TBCE: variants seen among roughly 807,000 people sequenced by gnomAD.
TBCE encodes the protein tubulin-specific chaperone E.
In TBCE, 53 loss-of-function variants were observed where a neutral mutation model predicts 77.0. The ratio of observed to expected loss-of-function variants is 0.69; its 90% CI spans 0.55 to 0.87. TBCE has a LOEUF of 0.87. TBCE is among the 40% of genes least tolerant of loss of function. The probability of loss-of-function intolerance (pLI) is 0.00; values close to 1 mark genes in which losing one functional copy is unlikely to be tolerated. For missense variants in TBCE, 624 were observed against 622.4 expected, an observed-to-expected ratio of 1.00 and a Z score of -0.03; for synonymous variants, 235 against 241.3, an observed-to-expected ratio of 0.97 and a Z score of 0.24.
rs367901723 is a variant in TBCE at position 235,419,428 on chromosome 1, A to G, written c.372-45A>G. On this transcript the variant is annotated intron_variant, in intron 4 of 16. Transcript: ENST00000642610. ...TTAATTTTTTAAAGGGCCAGTGGAT[A>G]GCATACGTGCTTATGTATCCATGTG... 1.2e-5 allele frequency: 19 copies of G among 1,613,992 alleles called. No homozygotes were observed. In the African/African-American group the frequency reaches 2.4e-4, roughly 20 times the overall value.
At chr1:235,401,421 C>T (rs1470181934) in intron 2 of TBCE, 82 bp from the exon 3 acceptor site, 1 of 1,206,800 alleles carries the variant, frequency 8.3e-7, no homozygotes, top group East Asian at 2.4e-5. Flanking sequence ...GTTTCCGCTG[C>T]AAATTGGTAT....
At chr1:235,442,791 G>C in intron 14 of TBCE, 61 bp from the exon 15 acceptor site, 9 of 1,525,318 alleles carry the variant, frequency 5.9e-6, no homozygotes, top group Non-Finnish European at 8.1e-6. Flanking sequence ...GATGTGTGTG[G>C]ATAATTTAAA....
intron 3 of TBCE, among the ~76,000 whole-genome samples, chr1:235,412,548 G>A (rs909435628): frequency 6.6e-6 from 1 of 150,830 alleles, no homozygotes; most frequent in African/African-American, 2.4e-5. Context: ...CTGACTTTAG[G>A]TGATCTGCCC....
Position 235,448,760 on chromosome 1 carries a change from T to C in TBCE, c.1582T>C (p.Ter528ArgextTer7). 1 of 1,607,788 alleles carries C rather than the reference T, an allele frequency of 6.2e-7. No homozygotes were observed. The highest frequency in any genetic ancestry group is 8.5e-7 in the Non-Finnish European group (1 of 1,174,452). ...TGGAGATTGTCTATTAGTGCGATGG[T>C]GACAACCAACTAATAAAATTTAAAG... ...ENGDCLLVRW[*>R] is the part of the protein sequence containing the mutation. Residue 528 changes from the stop codon to arginine, a stop_lost, in exon 17 of 17, where the codon TGA (stop) becomes CGA (arginine). Coordinates refer to ENST00000642610, the MANE Select transcript of TBCE (RefSeq NM_003193.5).
chr1:235,434,199 T>C lies in TBCE; in HGVS notation c.661-5T>C, dbSNP rs1681278700. 2 of 1,614,000 alleles carry C rather than the reference T, an allele frequency of 1.2e-6. No homozygotes were observed. ...GCCTGAGCCTGAACCGAGTTTCTCT[T>C]CCAGGTGCTGCGGTGTGTCGCGGGG... is the stretch of plus-strand genomic sequence containing the variant. On this transcript the variant is annotated splice_polypyrimidine_tract_variant and splice_region_variant and intron_variant, in intron 7 of 16. Coordinates refer to ENST00000642610, the MANE Select transcript of TBCE (RefSeq NM_003193.5).
At chr1:235,368,004 C>T (rs1676650030) in intron 1 of TBCE, among the ~76,000 whole-genome samples, 1 of 152,162 alleles carries the variant, frequency 6.6e-6, no homozygotes, top group Non-Finnish European at 1.5e-5. Context: ...CTCCTGGGTT[C>T]AAGCGATTCT....
Position 235,448,792 on chromosome 1 carries a change from C to T in TBCE, c.*30C>T. ...CAACTAATAAAATTTAAAGACCACACTGCTTATCGTGTCTGGGGTTCACCG... is the reference window on the plus strand; with the variant it reads ...CAACTAATAAAATTTAAAGACCACATTGCTTATCGTGTCTGGGGTTCACCG... On this transcript the variant is annotated 3_prime_UTR_variant, in exon 17 of 17. Coordinates refer to ENST00000642610, the MANE Select transcript of TBCE (RefSeq NM_003193.5). 8.2e-6 allele frequency: 12 copies of T among 1,455,670 alleles called. No individual in the cohort carries two copies. The highest frequency in any genetic ancestry group is 1.2e-5 in the Non-Finnish European group (12 of 1,037,032). The allele number at this position is 1,455,670 out of a possible 1,614,324, so 90.2% of individuals were successfully genotyped here. A position where few individuals can be genotyped will look rare whatever the true frequency, so the allele number is the denominator to read the frequency against.
chr1:235,401,592 C>G lies in TBCE; in HGVS notation c.185+5C>G. ...GACTGTGTATTTTAAATGCAGGTAA[C>G]TTTTCATTATGAATCAGCACGGTCA... On this transcript the variant is annotated splice_donor_5th_base_variant and intron_variant, in intron 3 of 16. Transcript: ENST00000642610. The G allele has an allele frequency of 6.2e-7, 1 of 1,611,334 alleles. No individual in the cohort carries two copies. Among genetic ancestry groups the G allele is most frequent in the Non-Finnish European group, 8.5e-7 (1 of 1,177,788 alleles).
In TBCE at chr1:235,434,131, G is replaced by A. The variant is rs1681273536; in HGVS notation, c.661-73G>A. The A allele has an allele frequency of 3.0e-6, 4 of 1,330,570 alleles. No individual in the cohort carries two copies. In the South Asian group the frequency reaches 3.5e-5, roughly 12 times the overall value. 82.4% of individuals were successfully genotyped at this position (1,330,570 alleles called of 1,614,324 possible). On this transcript the variant is annotated intron_variant, in intron 7 of 16. Coordinates refer to ENST00000642610, the MANE Select transcript of TBCE (RefSeq NM_003193.5). ...ACAGTAACTGAGCTGAATTCTTGTG[G>A]TGGTTCCTATGAACACCCGGGAAGA... is the stretch of plus-strand genomic sequence containing the variant.
chr1:235,445,891 A>G (rs1175810297), intron 15 of TBCE, among the ~76,000 whole-genome samples: 4 of 152,242 alleles, frequency 2.6e-5, no homozygotes, highest in Non-Finnish European at 5.9e-5. Context: ...GTGGAACCAC[A>G]CAGCACACAA....
At chr1:235,436,305 A>G in intron 9 of TBCE, 81 bp from the exon 10 acceptor site, 1 of 1,416,384 alleles carries the variant, frequency 7.1e-7, no homozygotes, top group South Asian at 1.2e-5. Flanking sequence ...GTAGGAAAAA[A>G]ATTTACAAAC....
rs1344821328 is a variant in TBCE at position 235,401,552 on chromosome 1, T to C, written c.150T>C (p.Asp50=). The C allele has an allele frequency of 3.1e-6, 5 of 1,613,832 alleles. No individual in the cohort carries two copies. The African/African-American group carries it at 5.3e-5, about 17-fold the overall frequency. Residue 50 remains aspartate, a synonymous_variant, in exon 3 of 17, where the codon GAT becomes GAC. Transcript: ENST00000642610. ...EWDNPERGKH[D]GSHEGTVYFK... is the part of the protein sequence containing the mutation. ...ACAATCCCGAGAGAGGAAAGCATGA[T>C]GGGAGCCACGAAGGGACTGTGTATT...
chr1:235,397,403 C>G lies in TBCE; in HGVS notation c.101-4100C>G, dbSNP rs149093273. ...TTTTTTAGTAGAGACAGGGTTTCAC[C>G]GTGGTGCTAGCCAGGATGGTCTCGA... On this transcript the variant is annotated intron_variant, in intron 2 of 16. Transcript: ENST00000642610. 6.6e-5 allele frequency among the ~76,000 whole-genome samples: 10 copies of G among 152,024 alleles called. 1 individual carries two copies. Among genetic ancestry groups the G allele is most frequent in the Admixed American group, 6.6e-4 (10 of 15,236 alleles).
At chr1:235,442,078 G>A (rs2102938584) in intron 14 of TBCE, among the ~76,000 whole-genome samples, 196 bp downstream of exon 14, 1 of 151,306 alleles carries the variant, frequency 6.6e-6, no homozygotes, top group South Asian at 2.1e-4. Context: ...TGTGATCTCA[G>A]CTCATTGCAA....
chr1:235,410,273 C>A (rs945419437), intron 3 of TBCE, among the ~76,000 whole-genome samples: 1 of 152,086 alleles, frequency 6.6e-6, no homozygotes, highest in South Asian at 2.1e-4. Context: ...AAAGGAATAA[C>A]GAATGGCTAC....
chr1:235,378,573 G>A (rs1438843237), intron 1 of TBCE, among the ~76,000 whole-genome samples: 3 of 152,136 alleles, frequency 2.0e-5, no homozygotes, highest in African/African-American at 4.8e-5. Flanking sequence ...TAGGCCGGCC[G>A]CGGTGGCTGA....
At chr1:235,368,551 G>GTTTTTTT (rs1558337496) in intron 1 of TBCE, among the ~76,000 whole-genome samples, 6 of 44,866 alleles carry the variant, frequency 1.3e-4, no homozygotes, top group Non-Finnish European at 2.5e-4. Flanking sequence ...TGGACAGCCT[G>GTTTTTTT]CTTTTTTTTT....
At position 235,451,373 on chromosome 1, in the gene TBCE, T is replaced by C. The variant is rs1682887485; in HGVS notation, c.*2611T>C. 1 of 150,584 alleles carries C rather than the reference T, an allele frequency of 6.6e-6. No homozygotes were observed. The highest frequency in any genetic ancestry group is 2.1e-4 in the South Asian group (1 of 4,794). 9.3% of individuals were successfully genotyped at this position (150,584 alleles called of 1,614,324 possible). A position where few individuals can be genotyped will look rare whatever the true frequency, so the allele number is the denominator to read the frequency against. On this transcript the variant is annotated 3_prime_UTR_variant, in exon 17 of 17. Coordinates refer to ENST00000642610, the MANE Select transcript of TBCE (RefSeq NM_003193.5). The stretch of plus-strand genomic sequence containing the variant: ...CTGAAGTATTCATAGATGGTAGTAT[T>C]CCTAGATGCATGGCAGAAAAAAATG...
At chr1:235,392,602 G>A (rs1319492739) in intron 2 of TBCE, among the ~76,000 whole-genome samples, 1 of 151,074 alleles carries the variant, frequency 6.6e-6, no homozygotes, top group African/African-American at 2.4e-5. Context: ...GTAGAGATGG[G>A]GTTTCACTGT....
Sources: allele counts gnomAD v4.1 joint callset (sites outside exome capture counted in the v4.1 genomes callset), GRCh38; gene constraint gnomAD v4.1.1; transcripts MANE v1.5; gene names NCBI Gene and HGNC (gene_info 2026-07-23, HGNC 2026-07-21).